RARB: variants seen among roughly 807,000 people sequenced by gnomAD.
RARB encodes retinoic acid receptor beta.
RARB carries 17 observed loss-of-function variants against 51.9 expected under a neutral mutation model. The observed-to-expected ratio is 0.33, with a 90% CI of 0.22 to 0.49. The LOEUF (loss-of-function observed/expected upper bound fraction) is 0.49. Among genes scored for constraint, RARB ranks in the 20% least tolerant of loss-of-function variants. RARB has a pLI of 0.99. For missense variants in RARB, 369 were observed against 550.8 expected, an observed-to-expected ratio of 0.67 and a Z score of 3.30; for synonymous variants, 215 against 195.4, an observed-to-expected ratio of 1.10 and a Z score of -0.84.
chr3:25,593,395 T>G, intron 5 of RARB, 108 bp from the exon 6 acceptor site: 1 of 1,009,820 alleles, frequency 9.9e-7, no homozygotes, highest in Non-Finnish European at 1.5e-6. Context: ...GGGGACAGAC[T>G]GCCCCAAGAG....
chr3:25,076,700 T>A (rs568768789), intron 3 of RARB, among the ~76,000 whole-genome samples: 1 of 152,320 alleles, frequency 6.6e-6, no homozygotes, highest in East Asian at 1.9e-4. Context: ...AAAAACAAAT[T>A]TTTTGTTTTG....
chr3:24,970,819 T>C (rs1696381693), intron 2 of RARB, among the ~76,000 whole-genome samples: 1 of 150,656 alleles, frequency 6.6e-6, no homozygotes, highest in Non-Finnish European at 1.5e-5. Context: ...CTGTCTTACC[T>C]ACTCTAAATT....
intron 5 of RARB, among the ~76,000 whole-genome samples, chr3:25,180,236 C>T (rs1280107738): frequency 6.6e-6 from 1 of 151,952 alleles, no homozygotes; most frequent in East Asian, 1.9e-4. Context: ...AAAGAAGGAC[C>T]AAGAATGGAG....
intron 2 of RARB, among the ~76,000 whole-genome samples, chr3:25,478,676 C>T (rs192828342): frequency 2.1e-4 from 32 of 152,270 alleles, no homozygotes; most frequent in Admixed American, 5.2e-4. Flanking sequence ...CGTCTATGGA[C>T]ACAGGGAGAA....
chr3:25,184,125 C>A lies in RARB; in HGVS notation c.178+9550C>A, dbSNP rs1048859434. Among the ~76,000 whole-genome samples the A allele has an allele frequency of 2.1e-5, 3 of 145,184 alleles. No individual in the cohort carries two copies. In the South Asian group the frequency reaches 6.8e-4, roughly 33 times the overall value. The stretch of plus-strand genomic sequence containing the variant: ...TTAATAATATGAAAATCTACAAATA[C>A]AGAGTTTGTTGTTTTTTTTTTCTAG... On this transcript the variant is annotated intron_variant, in intron 5 of 11. Transcript: ENST00000383772.
chr3:25,595,518 G>A (rs1188003292), intron 7 of RARB, among the ~76,000 whole-genome samples: 1 of 152,166 alleles, frequency 6.6e-6, no homozygotes, highest in Non-Finnish European at 1.5e-5. Flanking sequence ...TACCAGTGTG[G>A]TTGTGAATAC....
intron 2 of RARB, among the ~76,000 whole-genome samples, chr3:25,476,761 G>T (rs1695969852): frequency 6.6e-6 from 1 of 152,188 alleles, no homozygotes; most frequent in African/African-American, 2.4e-5. Context: ...TGGAGTAGAA[G>T]TGCTGGCAGC....
intron 2 of RARB, among the ~76,000 whole-genome samples, chr3:24,915,518 G>A (rs1463589261): frequency 6.6e-6 from 1 of 152,138 alleles, no homozygotes. Context: ...CCAGACCAAA[G>A]ACTGCTCATA....
chr3:24,880,680 A>G (rs1703141637), intron 2 of RARB, among the ~76,000 whole-genome samples: 1 of 152,134 alleles, frequency 6.6e-6, no homozygotes, highest in Admixed American at 6.5e-5. Flanking sequence ...ATAGACTCCA[A>G]TGATAACATA....
intron 2 of RARB, among the ~76,000 whole-genome samples, chr3:24,995,297 A>G (rs1696998380): frequency 6.6e-6 from 1 of 150,914 alleles, no homozygotes. Context: ...TAGTTTATTC[A>G]TGTATAAAAA....
intron 5 of RARB, among the ~76,000 whole-genome samples, chr3:25,318,002 T>C (rs912472339): frequency 3.9e-5 from 6 of 152,198 alleles, no homozygotes; most frequent in Non-Finnish European, 7.3e-5. Flanking sequence ...TCCTATTGAA[T>C]AGTTAACTAG....
At chr3:25,499,292 T>G (rs541151669) in intron 2 of RARB, among the ~76,000 whole-genome samples, 1 of 152,272 alleles carries the variant, frequency 6.6e-6, no homozygotes, top group South Asian at 2.1e-4. Context: ...ACACATTTGA[T>G]GATGTGTTTC....
chr3:25,290,165 A>G (rs1210399626), intron 5 of RARB, among the ~76,000 whole-genome samples: 1 of 152,140 alleles, frequency 6.6e-6, no homozygotes, highest in Non-Finnish European at 1.5e-5. Context: ...CCTTGCCCCA[A>G]ATTTATATGT....
At chr3:25,211,735 G>T (rs1248328098) in intron 5 of RARB, among the ~76,000 whole-genome samples, 3 of 152,144 alleles carry the variant, frequency 2.0e-5, no homozygotes, top group African/African-American at 7.2e-5. Context: ...TGCTGTTATA[G>T]CACAGAAGCA....
intron 5 of RARB, among the ~76,000 whole-genome samples, chr3:25,388,439 A>T (rs1186570670): frequency 6.6e-6 from 1 of 152,206 alleles, no homozygotes; most frequent in African/African-American, 2.4e-5. Context: ...AGAGCATTAC[A>T]ATATACTTAG....
chr3:25,585,758 C>G (rs1160229112), intron 5 of RARB, among the ~76,000 whole-genome samples: 3 of 152,190 alleles, frequency 2.0e-5, no homozygotes, highest in Admixed American at 2.0e-4. Flanking sequence ...CTATGTTTCT[C>G]AAAGCTGGAA....
chr3:25,455,707 C>T (rs1045597852), intron 1 of RARB, among the ~76,000 whole-genome samples: 1 of 152,156 alleles, frequency 6.6e-6, no homozygotes, highest in African/African-American at 2.4e-5. Context: ...ACCCACAGAG[C>T]CAAGCATCCA....
chr3:25,532,694 A>G lies in RARB; in HGVS notation c.448+31371A>G, dbSNP rs1172874528. Among the ~76,000 whole-genome samples the G allele has an allele frequency of 3.3e-5, 5 of 152,204 alleles. No homozygotes were observed. The East Asian group carries it at 9.6e-4, about 29-fold the overall frequency. Reference sequence around the variant, plus strand: ...AAGAGGAGCTAAATATTTAACTCTCAAATTATTATGAACATGGTCCAAATG... The same window carrying G: ...AAGAGGAGCTAAATATTTAACTCTCGAATTATTATGAACATGGTCCAAATG... On this transcript the variant is annotated intron_variant, in intron 3 of 7. Coordinates refer to ENST00000330688, the MANE Select transcript of RARB (RefSeq NM_000965.5).
At chr3:25,138,365 A>T (rs189330827) in intron 4 of RARB, among the ~76,000 whole-genome samples, 191 of 152,048 alleles carry the variant, frequency 1.3e-3, no homozygotes, top group African/African-American at 4.2e-3. Context: ...GCCAAAGGAA[A>T]ATCCTGCCAG....
Sources: allele counts gnomAD v4.1 joint callset (sites outside exome capture counted in the v4.1 genomes callset), GRCh38; gene constraint gnomAD v4.1.1; transcripts MANE v1.5; gene names NCBI Gene and HGNC (gene_info 2026-07-23, HGNC 2026-07-21).